TTLL11: variants seen among roughly 807,000 people sequenced by gnomAD.
TTLL11 encodes the protein tubulin polyglutamylase TTLL11.
In TTLL11, 42 loss-of-function variants were observed where a neutral mutation model predicts 51.7. The ratio of observed to expected loss-of-function variants is 0.81; its 90% CI spans 0.64 to 1.05. The LOEUF (loss-of-function observed/expected upper bound fraction) is 1.05, where lower values mean the gene tolerates loss of function less well. Ranked by LOEUF, TTLL11 falls within the 50% of genes least tolerant of loss-of-function variation. The pLI is 0.00. For synonymous variants in TTLL11, 381 were observed against 383.5 expected, an observed-to-expected ratio of 0.99 and a Z score of 0.08; for missense variants, 799 against 940.4, an observed-to-expected ratio of 0.85 and a Z score of 1.97.
chr9:121,938,635 G>A (rs1288593368), intron 6 of TTLL11, among the ~76,000 whole-genome samples: 2 of 151,958 alleles, frequency 1.3e-5, no homozygotes, highest in Admixed American at 6.6e-5. Context: ...AAACAGAAAT[G>A]GCAAAGAATA....
chr9:121,826,248 ATGGGTTATATATATGGG>A (rs1836763392), intron 8 of TTLL11, among the ~76,000 whole-genome samples: 1 of 128,982 alleles, frequency 7.8e-6, no homozygotes, highest in South Asian at 2.6e-4. Context: ...GCACATATAT[ATGGGTTATATATATGGG>A]TAAAACCCAT....
chr9:121,959,340 G>C (rs926689848), intron 6 of TTLL11, among the ~76,000 whole-genome samples: 8 of 152,000 alleles, frequency 5.3e-5, no homozygotes, highest in Admixed American at 5.2e-4. Flanking sequence ...TGTTGTAATG[G>C]GCCACACCTC....
intron 3 of TTLL11, among the ~76,000 whole-genome samples, chr9:122,015,807 C>CAA (rs11297849): frequency 0.044 from 4,180 of 94,116 alleles, 68 homozygotes; most frequent in African/African-American, 0.054. Flanking sequence ...TCAAAAGAGA[C>CAA]AAAAAAAAAA....
intron 1 of TTLL11, among the ~76,000 whole-genome samples, chr9:122,041,110 A>G (rs1371380739): frequency 6.6e-6 from 1 of 152,104 alleles, no homozygotes; most frequent in Non-Finnish European, 1.5e-5. Context: ...TGAATACCAA[A>G]TTGCCCCCCC....
At chr9:121,979,772 T>C (rs567545160) in intron 4 of TTLL11, among the ~76,000 whole-genome samples, 1 of 152,236 alleles carries the variant, frequency 6.6e-6, no homozygotes, top group East Asian at 1.9e-4. Context: ...GTCTACAAAA[T>C]GAAGCCCAAG....
intron 3 of TTLL11, among the ~76,000 whole-genome samples, chr9:122,000,860 T>C (rs538916641): frequency 2.3e-4 from 35 of 152,308 alleles, no homozygotes; most frequent in Admixed American, 1.8e-3. Flanking sequence ...AACCCTCTCC[T>C]GGGGTCTGGA....
chr9:122,008,254 C>T (rs1214695846), intron 3 of TTLL11, among the ~76,000 whole-genome samples: 1 of 152,116 alleles, frequency 6.6e-6, no homozygotes, highest in African/African-American at 2.4e-5. Context: ...GGATAATTGT[C>T]AAAATCTGAA....
chr9:121,828,102 G>A (rs116259407), intron 8 of TTLL11, among the ~76,000 whole-genome samples: 2,298 of 152,152 alleles, frequency 0.015, 59 homozygotes, highest in African/African-American at 0.053. Context: ...ATGTTCTTGC[G>A]GAATGACCTT....
At chr9:122,030,545 A>G (rs529087444) in intron 3 of TTLL11, among the ~76,000 whole-genome samples, 1 of 152,284 alleles carries the variant, frequency 6.6e-6, no homozygotes, top group African/African-American at 2.4e-5. Context: ...CAAGTTGCTA[A>G]ATTTTTCAAA....
intron 3 of TTLL11, among the ~76,000 whole-genome samples, chr9:122,012,657 TACACATACACACACACACACGCACACAC>T (rs982353978): frequency 5.9e-5 from 7 of 119,102 alleles, no homozygotes; most frequent in African/African-American, 1.1e-4. Context: ...GAGGAAAAAA[TACACATACACACACACACACGCACACAC>T]ACACACACAC....
At chr9:121,928,440 G>A (rs927264583) in intron 6 of TTLL11, among the ~76,000 whole-genome samples, 12 of 133,796 alleles carry the variant, frequency 9.0e-5, no homozygotes, top group Non-Finnish European at 1.9e-4. Context: ...GTTTGTTTTG[G>A]ATTTTTTTTT....
chr9:121,973,008 G>A (rs527955871), intron 6 of TTLL11, among the ~76,000 whole-genome samples: 2 of 152,284 alleles, frequency 1.3e-5, no homozygotes, highest in Non-Finnish European at 2.9e-5. Flanking sequence ...ATTCGTCTAG[G>A]GATATGAGAA....
intron 1 of TTLL11, among the ~76,000 whole-genome samples, chr9:122,051,081 G>T (rs572989842): frequency 6.6e-6 from 1 of 152,260 alleles, no homozygotes; most frequent in South Asian, 2.1e-4. Context: ...CCCAGAGAAA[G>T]AACATGTTCT....
intron 6 of TTLL11, among the ~76,000 whole-genome samples, chr9:121,905,975 C>T (rs1839930884): frequency 6.6e-6 from 1 of 152,072 alleles, no homozygotes; most frequent in South Asian, 2.1e-4. Context: ...GATTTTTCAT[C>T]TATAATCTTT....
chr9:121,913,861 T>C (rs963083543), intron 6 of TTLL11, among the ~76,000 whole-genome samples: 2 of 152,120 alleles, frequency 1.3e-5, no homozygotes, highest in Non-Finnish European at 1.5e-5. Flanking sequence ...GAAATGAAGG[T>C]GGGTTGTGAG....
intron 1 of TTLL11, among the ~76,000 whole-genome samples, chr9:122,053,888 T>C (rs1051710005): frequency 6.6e-6 from 1 of 152,042 alleles, no homozygotes. Flanking sequence ...CTGAAGAGCC[T>C]TCCAATGTAA....
At chr9:121,848,358 C>A (rs898159092) in intron 8 of TTLL11, among the ~76,000 whole-genome samples, 5 of 135,988 alleles carry the variant, frequency 3.7e-5, no homozygotes, top group African/African-American at 1.6e-4. Context: ...AGAAAAAGTC[C>A]CCCCCCTTAC....
chr9:121,921,938 C>T lies in TTLL11; in HGVS notation c.1482-51190G>A, dbSNP rs75181738. ...CCTTCTCTGAGCCCACGGAGGAACC[C>T]GGGAAGCCTGACACAGTCACAGACT... On this transcript the variant is annotated intron_variant, in intron 6 of 8. Coordinates refer to ENST00000321582, the MANE Select transcript of TTLL11 (RefSeq NM_001139442.2). Among the ~76,000 whole-genome samples, 168 of 152,290 alleles carry T rather than the reference C, an allele frequency of 1.1e-3. 2 individuals are homozygous for T. In the East Asian group the frequency reaches 0.02, roughly 18 times the overall value.
chr9:122,020,953 A>G (rs1588211738), intron 3 of TTLL11, among the ~76,000 whole-genome samples: 1 of 152,352 alleles, frequency 6.6e-6, no homozygotes, highest in South Asian at 2.1e-4. Flanking sequence ...CAAACTTCCT[A>G]AAACAGTAGT....
Sources: allele counts gnomAD v4.1 joint callset (sites outside exome capture counted in the v4.1 genomes callset), GRCh38; gene constraint gnomAD v4.1.1; transcripts MANE v1.5; gene names NCBI Gene and HGNC (gene_info 2026-07-23, HGNC 2026-07-21).